The following ZNF423 variants were observed in gnomAD, a reference collection of about 807,000 sequenced individuals.
ZNF423 encodes Ebf-associated zinc finger protein.
Under a neutral mutation model 95.8 loss-of-function variants are expected in ZNF423, and 12 were observed. The ratio of observed to expected loss-of-function variants is 0.13; its 90% CI spans 0.08 to 0.20. The LOEUF (loss-of-function observed/expected upper bound fraction) is 0.20. Ranked by LOEUF, ZNF423 falls within the 10% of genes least tolerant of loss-of-function variation. The pLI, the probability that ZNF423 is intolerant of heterozygous loss-of-function variation, is 1.00. For missense variants in ZNF423, 1,316 were observed against 1,737.1 expected, an observed-to-expected ratio of 0.76 and a Z score of 4.31; for synonymous variants, 749 against 711.9, an observed-to-expected ratio of 1.05 and a Z score of -0.83.
chr16:49,607,181 C>A (rs1437489532), intron 5 of ZNF423, among the ~76,000 whole-genome samples: 1 of 150,556 alleles, frequency 6.6e-6, no homozygotes, highest in Non-Finnish European at 1.5e-5. Flanking sequence ...AGGAAGCAGG[C>A]CTTATGATAA....
intron 5 of ZNF423, among the ~76,000 whole-genome samples, chr16:49,567,061 G>A (rs545274435): frequency 1.3e-5 from 2 of 152,260 alleles, no homozygotes; most frequent in South Asian, 2.1e-4. Context: ...GACATCACTC[G>A]CGAATTAAGT....
chr16:49,525,683 C>A (rs953791050), intron 5 of ZNF423, among the ~76,000 whole-genome samples, 189 bp from the exon 6 acceptor site: 2 of 152,106 alleles, frequency 1.3e-5, no homozygotes, highest in African/African-American at 4.8e-5. Context: ...CTTACAGACC[C>A]CAGAGGACCG....
At chr16:49,713,591 C>T (rs1375735471) in intron 3 of ZNF423, among the ~76,000 whole-genome samples, 4 of 152,210 alleles carry the variant, frequency 2.6e-5, no homozygotes, top group African/African-American at 4.8e-5. Flanking sequence ...CACTCCTGGA[C>T]AGCTCCCCTT....
chr16:49,725,618 T>G (rs2143318240), intron 3 of ZNF423, among the ~76,000 whole-genome samples: 1 of 152,214 alleles, frequency 6.6e-6, no homozygotes, highest in South Asian at 2.1e-4. Context: ...CAGAAAGGGA[T>G]GGGTGCTCTG....
intron 3 of ZNF423, among the ~76,000 whole-genome samples, chr16:49,683,400 T>C (rs934080996): frequency 6.6e-6 from 1 of 152,232 alleles, no homozygotes; most frequent in Non-Finnish European, 1.5e-5. Flanking sequence ...TATAAGTGTA[T>C]TCCTTCTTTG....
chr16:49,668,138 C>T (rs1377700455), intron 3 of ZNF423, among the ~76,000 whole-genome samples: 1 of 152,174 alleles, frequency 6.6e-6, no homozygotes, highest in Non-Finnish European at 1.5e-5. Context: ...ACCACCCAAC[C>T]CAAACTCAGG....
intron 3 of ZNF423, among the ~76,000 whole-genome samples, chr16:49,717,820 G>C (rs1176790090): frequency 1.3e-5 from 2 of 152,090 alleles, no homozygotes; most frequent in African/African-American, 2.4e-5. Context: ...ACACAGAACA[G>C]ACACTCTTTC....
intron 5 of ZNF423, among the ~76,000 whole-genome samples, chr16:49,554,800 T>C (rs1969766215): frequency 6.6e-6 from 1 of 152,016 alleles, no homozygotes; most frequent in African/African-American, 2.4e-5. Flanking sequence ...AGAAACCCAC[T>C]GTCAAGATTT....
intron 5 of ZNF423, among the ~76,000 whole-genome samples, chr16:49,559,367 G>C (rs895367840): frequency 6.6e-6 from 1 of 152,198 alleles, no homozygotes; most frequent in Non-Finnish European, 1.5e-5. Context: ...AGGTATGGTG[G>C]GCTGGAGCAT....
chr16:49,611,883 A>G (rs1037310795), intron 5 of ZNF423, among the ~76,000 whole-genome samples: 1 of 152,084 alleles, frequency 6.6e-6, no homozygotes, highest in African/African-American at 2.4e-5. Flanking sequence ...AAATTTGATA[A>G]ATTAGATGAA....
chr16:49,543,351 C>A (rs1376013824), intron 5 of ZNF423, among the ~76,000 whole-genome samples: 1 of 152,150 alleles, frequency 6.6e-6, no homozygotes, highest in African/African-American at 2.4e-5. Flanking sequence ...ACAGCCTCCC[C>A]AGGGGTGGCA....
chr16:49,565,689 C>G (rs945708604), intron 5 of ZNF423, among the ~76,000 whole-genome samples: 2 of 152,146 alleles, frequency 1.3e-5, no homozygotes, highest in Non-Finnish European at 2.9e-5. Context: ...AACATCAGAC[C>G]CATCGGGGCT....
intron 5 of ZNF423, among the ~76,000 whole-genome samples, chr16:49,530,527 A>G (rs1218641885): frequency 2.7e-5 from 4 of 149,298 alleles, no homozygotes; most frequent in Non-Finnish European, 5.9e-5. Flanking sequence ...ACCAGTGCCT[A>G]GAACAGGATC....
intron 4 of ZNF423, among the ~76,000 whole-genome samples, chr16:49,633,768 CCTGGCTCAGA>C (rs891560801): frequency 2.0e-5 from 3 of 152,152 alleles, no homozygotes; most frequent in Non-Finnish European, 2.9e-5. Context: ...TGTTTAGAAC[CCTGGCTCAGA>C]CAAAGGGTCC....
Position 49,652,958 on chromosome 16 carries a change from G to C in ZNF423, c.302-14084C>G, listed in dbSNP as rs138285120. 4.6e-3 allele frequency among the ~76,000 whole-genome samples: 703 copies of C among 152,330 alleles called. 5 individuals are homozygous for C. The highest frequency in any genetic ancestry group is 0.016 in the African/African-American group (659 of 41,582). On this transcript the variant is annotated intron_variant, in intron 3 of 7. Transcript: ENST00000563137. ...ATGAAAGGAGTGAACAGAGAAACAA[G>C]TTCCTCTGTGTACCGTTCTAAACTC...
intron 5 of ZNF423, among the ~76,000 whole-genome samples, chr16:49,548,576 T>C (rs1050201244): frequency 7.9e-5 from 12 of 151,714 alleles, no homozygotes; most frequent in African/African-American, 2.9e-4. Flanking sequence ...TCTCCAGCTG[T>C]TCCAGTTAAC....
intron 5 of ZNF423, among the ~76,000 whole-genome samples, chr16:49,566,931 G>A (rs1889009043): frequency 6.6e-6 from 1 of 152,074 alleles, no homozygotes; most frequent in African/African-American, 2.4e-5. Context: ...AGAGCCATTT[G>A]TCCTAAAATG....
chr16:49,634,518 C>T (rs550117578), intron 4 of ZNF423, among the ~76,000 whole-genome samples: 1 of 152,188 alleles, frequency 6.6e-6, no homozygotes, highest in South Asian at 2.1e-4. Context: ...GCCCTCTTCT[C>T]TCCCCCTCTG....
At chr16:49,610,031 G>A (rs1971672429) in intron 5 of ZNF423, among the ~76,000 whole-genome samples, 1 of 152,292 alleles carries the variant, frequency 6.6e-6, no homozygotes, top group Non-Finnish European at 1.5e-5. Flanking sequence ...AAGTGGCAGA[G>A]CATTTTTCAA....
Sources: gnomAD v4.1 joint callset for allele counts (sites outside exome capture counted in the v4.1 genomes callset) on GRCh38, gnomAD v4.1.1 for gene constraint, MANE v1.5 for transcripts, NCBI Gene and HGNC (gene_info 2026-07-23, HGNC 2026-07-21) for gene names.